The following CDPF1 variants were observed in gnomAD, a reference collection of about 807,000 sequenced individuals.
The protein encoded by CDPF1 is cysteine-rich DPF motif domain-containing protein 1.
Under a neutral mutation model 8.3 loss-of-function variants are expected in CDPF1, and 8 were observed. That is an observed-to-expected ratio of 0.96 (90% CI 0.57 to 1.74). The LOEUF is 1.74. Ranked by LOEUF, CDPF1 falls within the 40% of genes most tolerant of loss-of-function variation. The probability of loss-of-function intolerance (pLI) is 0.00; values close to 1 mark genes in which losing one functional copy is unlikely to be tolerated. For synonymous variants in CDPF1, 62 were observed against 62.9 expected, an observed-to-expected ratio of 0.99 and a Z score of 0.07; for missense variants, 151 against 155.3, an observed-to-expected ratio of 0.97 and a Z score of 0.15.
chr22:46,247,238 G>GC lies in CDPF1; in HGVS notation c.114-18dup, dbSNP rs200519607. 0.071 allele frequency: 111,066 copies of GC among 1,563,086 alleles called. 5,867 individuals are homozygous for GC. The highest frequency in any genetic ancestry group is 0.27 in the African/African-American group (20,082 of 73,942). On this transcript the variant is annotated splice_polypyrimidine_tract_variant and intron_variant, in intron 2 of 3. Coordinates refer to ENST00000314567, the MANE Select transcript of CDPF1 (RefSeq NM_207327.5). The surrounding 1 kb of genome is among the most constrained non-coding windows in gnomAD (Gnocchi z 4.3). ...TCCAGGAGGCTGCAGGAGAGTGAAT[G>GC]CAGCGTCAGAACAGCCCAAATCTCT... is the stretch of plus-strand genomic sequence containing the variant.
At position 46,248,988 on chromosome 22, in the gene CDPF1, C is replaced by T. The variant is rs1212435681; in HGVS notation, c.1-704G>A. On this transcript the variant is annotated intron_variant, in intron 1 of 3. Transcript: ENST00000314567. The surrounding 1 kb of genome is among the most constrained non-coding windows in gnomAD (Gnocchi z 4.1). Reference sequence around the variant, plus strand: ...GAGCCGAGATCGCGTCACTGCACTCCAGCCTGGGAGACAGCGAGACTCCAT... The same window carrying T: ...GAGCCGAGATCGCGTCACTGCACTCTAGCCTGGGAGACAGCGAGACTCCAT... Among the ~76,000 whole-genome samples, 2 of 152,154 alleles carry T rather than the reference C, an allele frequency of 1.3e-5. No individual in the cohort carries two copies. Among genetic ancestry groups the T allele is most frequent in the Admixed American group, 1.3e-4 (2 of 15,274 alleles).
Position 46,246,255 on chromosome 22 carries a change from C to G in CDPF1, c.225+855G>C, listed in dbSNP as rs1424086817. ...CTGCGTGCGCCCCCCACCCCCGCCA[C>G]CCCGCTGCTCACGAAGAGCAGCCCA... On this transcript the variant is annotated intron_variant, in intron 3 of 3. Transcript: ENST00000314567. The surrounding 1 kb of genome is among the most constrained non-coding windows in gnomAD (Gnocchi z 7.1). Among the ~76,000 whole-genome samples, 1 of 151,292 alleles carries G rather than the reference C, an allele frequency of 6.6e-6. No individual in the cohort carries two copies. Among genetic ancestry groups the G allele is most frequent in the Non-Finnish European group, 1.5e-5 (1 of 67,850 alleles).
rs942641077 is a variant in CDPF1 at position 46,248,573 on chromosome 22, A to G, written c.1-289T>C. Among the ~76,000 whole-genome samples, 9 of 152,222 alleles carry G rather than the reference A, an allele frequency of 5.9e-5. No homozygotes were observed. Among genetic ancestry groups the G allele is most frequent in the African/African-American group, 2.2e-4 (9 of 41,458 alleles). On this transcript the variant is annotated intron_variant, in intron 1 of 3. Transcript: ENST00000314567. This position sits in a 1 kb window ranked among gnomAD's most constrained non-coding sequence, Gnocchi z 4.1. ...TCTTCCAGGTCTGCACCACGGTAAA[A>G]GCGTTCCGGTCTCCTGCTCTGCCCC...
At position 46,247,086 on chromosome 22, in the gene CDPF1, C is replaced by A. The variant is rs1391458528; in HGVS notation, c.225+24G>T. The A allele has an allele frequency of 6.3e-7, 1 of 1,578,502 alleles. No individual in the cohort carries two copies. ...GGATAACCACAGCAAGGACAGGTGG[C>A]CCCAGCCCACGCTGCTTACCCACCG... is the stretch of plus-strand genomic sequence containing the variant. On this transcript the variant is annotated intron_variant, in intron 3 of 3. Coordinates refer to ENST00000314567, the MANE Select transcript of CDPF1 (RefSeq NM_207327.5). This position sits in a 1 kb window ranked among gnomAD's most constrained non-coding sequence, Gnocchi z 4.3.
In CDPF1 at chr22:46,249,915, C is replaced by G. The variant is rs1039081920; in HGVS notation, c.-1+341G>C. Among the ~76,000 whole-genome samples, 1 of 152,182 alleles carries G rather than the reference C, an allele frequency of 6.6e-6. No homozygotes were observed. The highest frequency in any genetic ancestry group is 1.5e-5 in the Non-Finnish European group (1 of 68,036). On this transcript the variant is annotated intron_variant, in intron 1 of 3. Coordinates refer to ENST00000314567, the MANE Select transcript of CDPF1 (RefSeq NM_207327.5). This position sits in a 1 kb window ranked among gnomAD's most constrained non-coding sequence, Gnocchi z 4.6. Reference sequence around the variant, plus strand: ...AACCTGATCCCGCTTCTCTTCTGCACGCCGGGGCGTCCTAGGCCCCTGCCG... The same window carrying G: ...AACCTGATCCCGCTTCTCTTCTGCAGGCCGGGGCGTCCTAGGCCCCTGCCG...
Position 46,248,339 on chromosome 22 carries a change from G to A in CDPF1, c.1-55C>T. On this transcript the variant is annotated intron_variant, in intron 1 of 3. Transcript: ENST00000314567. The surrounding 1 kb of genome is among the most constrained non-coding windows in gnomAD (Gnocchi z 4.1). ...GGTCACAGGCTTTCTCAGGAATCCT[G>A]CCCCTTTCCCAGCTATGAAGACCCT... 1 of 1,164,708 alleles carries A rather than the reference G, an allele frequency of 8.6e-7. No individual in the cohort carries two copies. The allele number at this position is 1,164,708 out of a possible 1,614,324, so 72.1% of individuals were successfully genotyped here.
rs1936471354 is a variant in CDPF1 at position 46,245,288 on chromosome 22, G to A, written c.226-50C>T. ...GGCTTGAGTATCCTGGGAACATGGT[G>A]CAGCTCCTCCCAGGGGCCAGCCCTT... On this transcript the variant is annotated intron_variant, in intron 3 of 3. Coordinates refer to ENST00000314567, the MANE Select transcript of CDPF1 (RefSeq NM_207327.5). The surrounding 1 kb of genome is among the most constrained non-coding windows in gnomAD (Gnocchi z 6.9). 6.3e-7 allele frequency: 1 copy of A among 1,597,318 alleles called. No homozygotes were observed. The highest frequency in any genetic ancestry group is 1.1e-5 in the South Asian group (1 of 89,676).
Position 46,245,323 on chromosome 22 carries a change from G to T in CDPF1, c.226-85C>A, listed in dbSNP as rs536003709. 3.0e-5 allele frequency: 45 copies of T among 1,500,634 alleles called. No homozygotes were observed. Among genetic ancestry groups the T allele is most frequent in the Non-Finnish European group, 4.1e-5 (45 of 1,104,396 alleles). The allele number at this position is 1,500,634 out of a possible 1,614,324, so 93.0% of individuals were successfully genotyped here. On this transcript the variant is annotated intron_variant, in intron 3 of 3. Coordinates refer to ENST00000314567, the MANE Select transcript of CDPF1 (RefSeq NM_207327.5). This position sits in a 1 kb window ranked among gnomAD's most constrained non-coding sequence, Gnocchi z 6.9. ...CCAGGGGCCAGCCCTTCCCACACTT[G>T]GGGGGCTGGGCTGGGGCCCCAGCAT...
Position 46,247,433 on chromosome 22 carries a change from C to A in CDPF1, c.114-212G>T, listed in dbSNP as rs1451805807. On this transcript the variant is annotated intron_variant, in intron 2 of 3. Coordinates refer to ENST00000314567, the MANE Select transcript of CDPF1 (RefSeq NM_207327.5). This position sits in a 1 kb window ranked among gnomAD's most constrained non-coding sequence, Gnocchi z 4.3. ...GGCCACACTGGCACTGAAATTGAAC[C>A]TGCTCTCACCTCTGTAACAGCCATG... 6.6e-6 allele frequency among the ~76,000 whole-genome samples: 1 copy of A among 152,174 alleles called. No individual in the cohort carries two copies. Among genetic ancestry groups the A allele is most frequent in the African/African-American group, 2.4e-5 (1 of 41,446 alleles).
Position 46,246,817 on chromosome 22 carries a change from T to C in CDPF1, c.225+293A>G, listed in dbSNP as rs1379262956. On this transcript the variant is annotated intron_variant, in intron 3 of 3. Transcript: ENST00000314567. The surrounding 1 kb of genome is among the most constrained non-coding windows in gnomAD (Gnocchi z 7.1). Reference sequence around the variant, plus strand: ...ACATCTAGAAAGTAAGTCACCATCCTGGTGAGAGGGCGCACAAGGACTGTC... The same window carrying C: ...ACATCTAGAAAGTAAGTCACCATCCCGGTGAGAGGGCGCACAAGGACTGTC... 1 of 1,570,204 alleles carries C rather than the reference T, an allele frequency of 6.4e-7. No individual in the cohort carries two copies. The highest frequency in any genetic ancestry group is 1.4e-5 in the African/African-American group (1 of 73,960).
At position 46,248,580 on chromosome 22, in the gene CDPF1, C is replaced by T. The variant is rs891529315; in HGVS notation, c.1-296G>A. On this transcript the variant is annotated intron_variant, in intron 1 of 3. Coordinates refer to ENST00000314567, the MANE Select transcript of CDPF1 (RefSeq NM_207327.5). The surrounding 1 kb of genome is among the most constrained non-coding windows in gnomAD (Gnocchi z 4.1). ...GGTCTGCACCACGGTAAAAGCGTTC[C>T]GGTCTCCTGCTCTGCCCCATTCTTT... Among the ~76,000 whole-genome samples, 8 of 152,198 alleles carry T rather than the reference C, an allele frequency of 5.3e-5. No individual in the cohort carries two copies. In the South Asian group the frequency reaches 6.2e-4, roughly 12 times the overall value.
Position 46,248,229 on chromosome 22 carries a change from G to T in CDPF1, c.56C>A (p.Thr19Asn). The T allele has an allele frequency of 6.2e-7, 1 of 1,613,862 alleles. No homozygotes were observed. The highest frequency in any genetic ancestry group is 1.1e-5 in the South Asian group (1 of 91,034). Residue 19 changes from threonine to asparagine, a missense_variant, in exon 2 of 4, where the codon ACC becomes AAC. Physicochemically the swap from Thr to Asn is moderately conservative, Grantham distance 65. Transcript: ENST00000314567. This position sits in a 1 kb window ranked among gnomAD's most constrained non-coding sequence, Gnocchi z 4.1. ...CACATAGCTGTACGGAGCTGTCAAG[G>T]TACAGAGTTCACACTCAAACACTCC... ...PLGVFECELC[T>N]LTAPYSYVGQ...
chr22:46,245,547 C>T lies in CDPF1; in HGVS notation c.226-309G>A, dbSNP rs543139395. On this transcript the variant is annotated intron_variant, in intron 3 of 3. Coordinates refer to ENST00000314567, the MANE Select transcript of CDPF1 (RefSeq NM_207327.5). The surrounding 1 kb of genome is among the most constrained non-coding windows in gnomAD (Gnocchi z 6.9). ...CAACAATGGAAAGCTGGAGCACAGG[C>T]CATGCCCCGAAAATCCCAGAGTCCT... Among the ~76,000 whole-genome samples, 1 of 152,346 alleles carries T rather than the reference C, an allele frequency of 6.6e-6. No individual in the cohort carries two copies. Among genetic ancestry groups the T allele is most frequent in the South Asian group, 2.1e-4 (1 of 4,832 alleles).
At position 46,247,260 on chromosome 22, in the gene CDPF1, C is replaced by G; in HGVS notation, c.114-39G>C. On this transcript the variant is annotated intron_variant, in intron 2 of 3. Coordinates refer to ENST00000314567, the MANE Select transcript of CDPF1 (RefSeq NM_207327.5). The surrounding 1 kb of genome is among the most constrained non-coding windows in gnomAD (Gnocchi z 4.3). ...AATGCAGCGTCAGAACAGCCCAAATCTCTGCCGTCGGAAAATCAGCCATGA... is the reference window on the plus strand; with the variant it reads ...AATGCAGCGTCAGAACAGCCCAAATGTCTGCCGTCGGAAAATCAGCCATGA... 1 of 1,431,838 alleles carries G rather than the reference C, an allele frequency of 7.0e-7. No individual in the cohort carries two copies. 88.7% of individuals were successfully genotyped at this position (1,431,838 alleles called of 1,614,324 possible). A position where few individuals can be genotyped will look rare whatever the true frequency, so the allele number is the denominator to read the frequency against.
In CDPF1 at chr22:46,246,853, G is replaced by A; in HGVS notation, c.225+257C>T. On this transcript the variant is annotated intron_variant, in intron 3 of 3. Coordinates refer to ENST00000314567, the MANE Select transcript of CDPF1 (RefSeq NM_207327.5). The surrounding 1 kb of genome is among the most constrained non-coding windows in gnomAD (Gnocchi z 7.1). Reference sequence around the variant, plus strand: ...CGCACAAGGACTGTCTGCACTGTTGGTGGGAAGGGGAGGAACCCTGAGGGG... The same window carrying A: ...CGCACAAGGACTGTCTGCACTGTTGATGGGAAGGGGAGGAACCCTGAGGGG... 3.9e-6 allele frequency: 6 copies of A among 1,542,406 alleles called. No homozygotes were observed. The African/African-American group carries it at 4.1e-5, about 11-fold the overall frequency.
chr22:46,245,231 C>T lies in CDPF1; in HGVS notation c.233G>A (p.Ser78Asn). The T allele has an allele frequency of 6.2e-7, 1 of 1,614,090 alleles. No homozygotes were observed. The highest frequency in any genetic ancestry group is 8.5e-7 in the Non-Finnish European group (1 of 1,179,952). The change falls in exon 4 of 4, where the codon AGT becomes AAT. Residue 78 changes from serine to asparagine, a missense_variant. Ser to Asn is a conservative substitution (Grantham distance 46). Coordinates refer to ENST00000314567, the MANE Select transcript of CDPF1 (RefSeq NM_207327.5). The surrounding 1 kb of genome is among the most constrained non-coding windows in gnomAD (Gnocchi z 6.9). Reference protein sequence around the residue: ...SRLVCVGPECSLFYSKRFCLP... With the variant: ...SRLVCVGPECNLFYSKRFCLP... ...GCAGAATCTCTTGGAGTAGAATAAACTGCATTCCTTAAAGAAGTGGACAAG... is the reference window on the plus strand; with the variant it reads ...GCAGAATCTCTTGGAGTAGAATAAATTGCATTCCTTAAAGAAGTGGACAAG...
Position 46,248,403 on chromosome 22 carries a change from G to A in CDPF1, c.1-119C>T, listed in dbSNP as rs955077814. The A allele has an allele frequency of 2.7e-5, 17 of 618,264 alleles. No homozygotes were observed. Among genetic ancestry groups the A allele is most frequent in the South Asian group, 4.0e-5 (2 of 49,484 alleles). The allele number at this position is 618,264 out of a possible 1,614,324, so 38.3% of individuals were successfully genotyped here. A position where few individuals can be genotyped will look rare whatever the true frequency, so the allele number is the denominator to read the frequency against. Reference sequence around the variant, plus strand: ...TAGCACAGTTTCTTGCCTCCCTACCGTACCCTTTTCTCTATCCCCAGCTGA... The same window carrying A: ...TAGCACAGTTTCTTGCCTCCCTACCATACCCTTTTCTCTATCCCCAGCTGA... On this transcript the variant is annotated intron_variant, in intron 1 of 3. Coordinates refer to ENST00000314567, the MANE Select transcript of CDPF1 (RefSeq NM_207327.5). The surrounding 1 kb of genome is among the most constrained non-coding windows in gnomAD (Gnocchi z 4.1).
Position 46,249,851 on chromosome 22 carries a change from T to G in CDPF1, c.-1+405A>C, listed in dbSNP as rs1042467080. On this transcript the variant is annotated intron_variant, in intron 1 of 3. Transcript: ENST00000314567. This position sits in a 1 kb window ranked among gnomAD's most constrained non-coding sequence, Gnocchi z 4.6. ...GCCTGGGCGACAGAGCGAGACTCTG[T>G]CTCAAAACAAAAGTTACGATCGATC... 4.6e-5 allele frequency among the ~76,000 whole-genome samples: 7 copies of G among 152,098 alleles called. No individual in the cohort carries two copies. Among genetic ancestry groups the G allele is most frequent in the African/African-American group, 1.7e-4 (7 of 41,414 alleles).
rs140474498 is a variant in CDPF1 at position 46,245,108 on chromosome 22, G to A, written c.356C>T (p.Pro119Leu). 8.1e-6 allele frequency: 13 copies of A among 1,614,128 alleles called. No homozygotes were observed. The highest frequency in any genetic ancestry group is 1.0e-5 in the Non-Finnish European group (12 of 1,180,030). Reference protein sequence around the residue: ...KAPSKRTPSQPGSRT With the variant: ...KAPSKRTPSQLGSRT Reference sequence around the variant, plus strand: ...CAGTTGCACTCACGTCCGAGAACCGGGCTGGCTGGGGGTCCTCTTTGATGG... The same window carrying A: ...CAGTTGCACTCACGTCCGAGAACCGAGCTGGCTGGGGGTCCTCTTTGATGG... Residue 119 changes from proline (P) to leucine (L), a missense_variant, in exon 4 of 4, where the codon CCC becomes CTC. Pro to Leu is a moderately conservative substitution (Grantham distance 98, BLOSUM62 -3). Coordinates refer to ENST00000314567, the MANE Select transcript of CDPF1 (RefSeq NM_207327.5). The surrounding 1 kb of genome is among the most constrained non-coding windows in gnomAD (Gnocchi z 6.9).
Sources: allele counts gnomAD v4.1 joint callset (sites outside exome capture counted in the v4.1 genomes callset), GRCh38; gene constraint gnomAD v4.1.1; non-coding constraint Gnocchi (gnomAD v3.1); transcripts MANE v1.5; gene names NCBI Gene and HGNC (gene_info 2026-07-23, HGNC 2026-07-21).